PRAG1: variants seen among roughly 807,000 people sequenced by gnomAD.
PRAG1 encodes PEAK1 related, kinase-activating pseudokinase 1, also known as inactive tyrosine-protein kinase PRAG1.
PRAG1 carries 110 observed loss-of-function variants against 95.6 expected under a neutral mutation model. The observed-to-expected ratio is 1.15, with a 90% confidence interval of 0.99 to 1.35. The LOEUF (loss-of-function observed/expected upper bound fraction) is 1.35, where lower values mean the gene tolerates loss of function less well. Ranked by LOEUF, PRAG1 falls within the 40% of genes most tolerant of loss-of-function variation. The probability of loss-of-function intolerance (pLI) is 0.00; values close to 1 mark genes in which losing one functional copy is unlikely to be tolerated. For missense variants in PRAG1, 2,554 were observed against 1,864.7 expected, an observed-to-expected ratio of 1.37 and a Z score of -6.81; for synonymous variants, 1,052 against 819.4, an observed-to-expected ratio of 1.28 and a Z score of -4.85.
chr8:8,359,934 T>C (rs1799794901), intron 3 of PRAG1, among the ~76,000 whole-genome samples: 1 of 152,224 alleles, frequency 6.6e-6, no homozygotes, highest in African/African-American at 2.4e-5. Flanking sequence ...TCTTGATATT[T>C]AACTTCCATA....
chr8:8,374,708 A>G (rs776638390), intron 3 of PRAG1: 171 of 985,290 alleles, frequency 1.7e-4, no homozygotes, highest in Middle Eastern at 5.2e-4. Context: ...AGAGTCTGCA[A>G]TCACCTCAGG....
At chr8:8,367,235 G>T in intron 3 of PRAG1, among the ~76,000 whole-genome samples, 1 of 151,632 alleles carries the variant, frequency 6.6e-6, no homozygotes, top group East Asian at 1.9e-4. Context: ...ATTACGGGTG[G>T]ATCACATGAG....
chr8:8,324,930 C>T (rs1419423907), intron 5 of PRAG1, among the ~76,000 whole-genome samples: 2 of 152,194 alleles, frequency 1.3e-5, no homozygotes, highest in African/African-American at 4.8e-5. Context: ...CTCCTCACTG[C>T]TGCAGGGCGC....
intron 2 of PRAG1, 145 bp from the exon 3 acceptor site, chr8:8,378,223 G>T: frequency 1.1e-6 from 1 of 898,062 alleles, no homozygotes; most frequent in Non-Finnish European, 1.6e-6. Context: ...GGGACTCAGT[G>T]CACGCCCACC....
chr8:8,381,582 G>C lies in PRAG1; in HGVS notation c.166C>G (p.Pro56Ala), dbSNP rs777448711. 1.4e-5 allele frequency: 22 copies of C among 1,614,056 alleles called. No homozygotes were observed. Among genetic ancestry groups the C allele is most frequent in the Non-Finnish European group, 1.7e-5 (20 of 1,180,012 alleles). ...PPQPRAGSLP[P>A]PPRLPPRPEN... is the part of the protein sequence containing the mutation. ...GGCCTGGGAGGCAGGCGCGGTGGAG[G>C]GGGCAGGCTGCCCGCTCTGGGCTGG... The change falls in exon 2 of 6, where the codon CCT (proline) becomes GCT (alanine). Residue 56 changes from proline (P) to alanine (A), a missense_variant. Transcript: ENST00000615670.
chr8:8,370,829 G>A (rs1269295081), intron 3 of PRAG1, among the ~76,000 whole-genome samples: 1 of 152,176 alleles, frequency 6.6e-6, no homozygotes, highest in Non-Finnish European at 1.5e-5. Flanking sequence ...CCTGTCTACT[G>A]AGAAGCAGCT....
At chr8:8,349,290 T>TTATC (rs1430133287) in intron 3 of PRAG1, among the ~76,000 whole-genome samples, 1 of 151,784 alleles carries the variant, frequency 6.6e-6, no homozygotes. Flanking sequence ...ATTTATTTAT[T>TTATC]TATTTTTTGA....
Position 8,378,021 on chromosome 8 carries a change from C to T in PRAG1, c.388G>A (p.Val130Ile), listed in dbSNP as rs201517323. Residue 130 changes from valine to isoleucine, a missense_variant, in exon 3 of 6, where the codon GTC becomes ATC. Coordinates refer to ENST00000615670, the MANE Select transcript of PRAG1 (RefSeq NM_001080826.3). ...CCTCGGAAGCTGCCCAGGTAGACGACGGGGGCATCCTCCTGCTTCGGGAGG... is the reference window on the plus strand; with the variant it reads ...CCTCGGAAGCTGCCCAGGTAGACGATGGGGGCATCCTCCTGCTTCGGGAGG... ...LPLPKQEDAP[V>I]VYLGSFRGVQ... 5.1e-6 allele frequency: 8 copies of T among 1,579,164 alleles called. 1 individual carries two copies. The highest frequency in any genetic ancestry group is 3.5e-5 in the Admixed American group (2 of 56,422).
In PRAG1 at chr8:8,381,780, C is replaced by G. The variant is rs1563260481; in HGVS notation, c.-33G>C. On this transcript the variant is annotated 5_prime_UTR_variant, in exon 2 of 6. Transcript: ENST00000615670. ...CGACAGGGTGCTGGTTCATCTTGCG[C>G]CCGGCTCTCTGGTGCAGTTTTGTGG... is the stretch of plus-strand genomic sequence containing the variant. 1 of 1,521,720 alleles carries G rather than the reference C, an allele frequency of 6.6e-7. No individual in the cohort carries two copies. The highest frequency in any genetic ancestry group is 1.9e-4 in the Middle Eastern group (1 of 5,210). The allele number at this position is 1,521,720 out of a possible 1,614,324, so 94.3% of individuals were successfully genotyped here.
intron 5 of PRAG1, among the ~76,000 whole-genome samples, 167 bp from the exon 6 acceptor site, chr8:8,319,469 G>A (rs1401776454): frequency 6.6e-6 from 1 of 152,166 alleles, no homozygotes; most frequent in Non-Finnish European, 1.5e-5. Context: ...GAATCTTTGA[G>A]GCCTTGGGTT....
At chr8:8,333,322 T>C (rs1798881422) in intron 4 of PRAG1, among the ~76,000 whole-genome samples, 1 of 152,206 alleles carries the variant, frequency 6.6e-6, no homozygotes, top group Admixed American at 6.5e-5. Context: ...ATAAAGGAAG[T>C]TCCTGGCTAT....
chr8:8,339,472 T>C lies in PRAG1; in HGVS notation c.2320+6A>G. On this transcript the variant is annotated splice_donor_region_variant and intron_variant, in intron 4 of 5. Transcript: ENST00000615670. Reference sequence around the variant, plus strand: ...TAAGCCTCTCCGTCAATGTCAAGTTTGTTACCTCCATCGCTGCAGGTCCTA... The same window carrying C: ...TAAGCCTCTCCGTCAATGTCAAGTTCGTTACCTCCATCGCTGCAGGTCCTA... 2 of 1,613,466 alleles carry C rather than the reference T, an allele frequency of 1.2e-6. No homozygotes were observed. Among genetic ancestry groups the C allele is most frequent in the Non-Finnish European group, 1.7e-6 (2 of 1,179,658 alleles).
intron 3 of PRAG1, among the ~76,000 whole-genome samples, chr8:8,370,671 C>G (rs1423260365): frequency 6.6e-6 from 1 of 152,206 alleles, no homozygotes; most frequent in Non-Finnish European, 1.5e-5. Context: ...AAACACCCAT[C>G]TCACTCATCC....
At chr8:8,384,450 A>G (rs1172548772) in intron 1 of PRAG1, among the ~76,000 whole-genome samples, 4 of 152,028 alleles carry the variant, frequency 2.6e-5, no homozygotes, top group Non-Finnish European at 4.4e-5. Flanking sequence ...TCATCACACG[A>G]CTGCCAGGGA....
intron 4 of PRAG1, among the ~76,000 whole-genome samples, chr8:8,336,864 TATA>T (rs1563233162): frequency 6.6e-6 from 1 of 151,488 alleles, no homozygotes; most frequent in African/African-American, 2.4e-5. Flanking sequence ...GGGTTTTCCT[TATA>T]CAACTAAAAC....
intron 3 of PRAG1, among the ~76,000 whole-genome samples, chr8:8,371,539 G>A (rs1012199937): frequency 6.6e-6 from 1 of 152,048 alleles, no homozygotes; most frequent in African/African-American, 2.4e-5. Flanking sequence ...GATTACAGGT[G>A]TGAGCCACCG....
chr8:8,379,797 G>C (rs1363917967), intron 2 of PRAG1, among the ~76,000 whole-genome samples: 1 of 152,210 alleles, frequency 6.6e-6, no homozygotes, highest in Non-Finnish European at 1.5e-5. Flanking sequence ...GTTTGTAAAG[G>C]TTACCTGTGG....
At chr8:8,341,804 C>A (rs892580299) in intron 3 of PRAG1, among the ~76,000 whole-genome samples, 1 of 152,152 alleles carries the variant, frequency 6.6e-6, no homozygotes, top group Admixed American at 6.5e-5. Flanking sequence ...CTTGTCCTGT[C>A]CTTGTCCAAT....
intron 5 of PRAG1, among the ~76,000 whole-genome samples, chr8:8,321,682 A>G (rs1423961973): frequency 2.6e-5 from 4 of 152,212 alleles, no homozygotes; most frequent in African/African-American, 4.8e-5. Context: ...CCAGAAGTTA[A>G]ATTATTTGCT....
Sources: allele counts gnomAD v4.1 joint callset (sites outside exome capture counted in the v4.1 genomes callset), GRCh38; gene constraint gnomAD v4.1.1; transcripts MANE v1.5; gene names NCBI Gene and HGNC (gene_info 2026-07-23, HGNC 2026-07-21).